The following SRPK2 variants were observed in gnomAD, a reference collection of about 807,000 sequenced individuals.
The protein encoded by SRPK2 is SRSF protein kinase 2.
Under a neutral mutation model 90.8 loss-of-function variants are expected in SRPK2, and 21 were observed. The observed-to-expected ratio is 0.23, with a 90% CI of 0.16 to 0.33. The LOEUF (loss-of-function observed/expected upper bound fraction) is 0.33, where lower values mean the gene tolerates loss of function less well. Ranked by LOEUF, SRPK2 falls within the 10% of genes least tolerant of loss-of-function variation. SRPK2 has a pLI of 1.00. For missense variants in SRPK2, 620 were observed against 869.0 expected, an observed-to-expected ratio of 0.71 and a Z score of 3.60; for synonymous variants, 288 against 311.1, an observed-to-expected ratio of 0.93 and a Z score of 0.78.
intron 10 of SRPK2, 66 bp downstream of exon 10, chr7:105,143,018 C>T: frequency 6.4e-7 from 1 of 1,554,330 alleles, no homozygotes; most frequent in Admixed American, 2.0e-5. Flanking sequence ...CCCATGTTGA[C>T]CTGGCAGAAC....
chr7:105,139,788 G>A (rs990469168), intron 11 of SRPK2, among the ~76,000 whole-genome samples: 1 of 152,076 alleles, frequency 6.6e-6, no homozygotes, highest in African/African-American at 2.4e-5. Context: ...CAACCTTAGA[G>A]GTAGCCATTT....
chr7:105,124,406 C>T (rs980037817), intron 15 of SRPK2, among the ~76,000 whole-genome samples: 9 of 152,020 alleles, frequency 5.9e-5, no homozygotes, highest in African/African-American at 1.7e-4. Flanking sequence ...ATTGGGAGGC[C>T]GAGGTGGGTG....
chr7:105,233,846 C>T (rs1019105386), intron 2 of SRPK2, among the ~76,000 whole-genome samples: 35 of 151,580 alleles, frequency 2.3e-4, no homozygotes, highest in Middle Eastern at 3.4e-3. Flanking sequence ...AGCAAGACTC[C>T]GTCTCAAAAA....
At chr7:105,154,812 C>A (rs1383028051) in intron 7 of SRPK2, among the ~76,000 whole-genome samples, 3 of 151,826 alleles carry the variant, frequency 2.0e-5, no homozygotes, top group African/African-American at 7.2e-5. Context: ...GTAGCTGGGA[C>A]TACAAGCACG....
At chr7:105,306,758 A>T (rs1340854980) in intron 2 of SRPK2, 6 of 195,310 alleles carry the variant, frequency 3.1e-5, no homozygotes, top group Non-Finnish European at 1.1e-5. Context: ...TTTTAAAAAG[A>T]AAATGTCATA....
At chr7:105,287,416 T>C (rs1808309551) in intron 2 of SRPK2, among the ~76,000 whole-genome samples, 1 of 151,908 alleles carries the variant, frequency 6.6e-6, no homozygotes, top group Non-Finnish European at 1.5e-5. Flanking sequence ...TATACATGTG[T>C]ATATACATGT....
At chr7:105,344,883 T>A (rs905904426) in intron 2 of SRPK2, among the ~76,000 whole-genome samples, 2 of 148,514 alleles carry the variant, frequency 1.3e-5, no homozygotes, top group African/African-American at 4.9e-5. Context: ...ACACCTGTAA[T>A]CCCAACACTT....
chr7:105,186,841 C>G (rs555597643), intron 3 of SRPK2, among the ~76,000 whole-genome samples: 3 of 152,308 alleles, frequency 2.0e-5, no homozygotes, highest in Non-Finnish European at 2.9e-5. Flanking sequence ...TATGACTGCT[C>G]TGAGGCCACC....
At chr7:105,294,001 G>A (rs1809440896) in intron 2 of SRPK2, among the ~76,000 whole-genome samples, 1 of 152,128 alleles carries the variant, frequency 6.6e-6, no homozygotes. Context: ...CTGCACCGGG[G>A]TCAGGGGGCA....
chr7:105,174,207 C>T (rs1791537986), intron 3 of SRPK2, among the ~76,000 whole-genome samples: 1 of 152,056 alleles, frequency 6.6e-6, no homozygotes, highest in South Asian at 2.1e-4. Context: ...GCCAAGATTT[C>T]TGTAACTAAA....
intron 2 of SRPK2, among the ~76,000 whole-genome samples, chr7:105,321,873 C>G (rs1812979098): frequency 6.6e-6 from 1 of 152,160 alleles, no homozygotes; most frequent in Non-Finnish European, 1.5e-5. Flanking sequence ...GGTATCTTTT[C>G]TATGAAAACT....
chr7:105,134,478 T>C (rs1341969600), intron 11 of SRPK2, among the ~76,000 whole-genome samples: 7 of 152,372 alleles, frequency 4.6e-5, no homozygotes, highest in African/African-American at 1.7e-4. Context: ...CTGTTTTCTT[T>C]ATAAACTACC....
At chr7:105,138,537 G>A (rs927146195) in intron 11 of SRPK2, among the ~76,000 whole-genome samples, 27 of 152,206 alleles carry the variant, frequency 1.8e-4, no homozygotes, top group Middle Eastern at 3.2e-3. Context: ...GATGGCTCAC[G>A]CCTTTAATCC....
At chr7:105,132,295 G>A (rs981607625) in intron 13 of SRPK2, among the ~76,000 whole-genome samples, 2 of 152,180 alleles carry the variant, frequency 1.3e-5, no homozygotes, top group African/African-American at 4.8e-5. Context: ...ATTGGCATCT[G>A]GGGAAATCCC....
intron 7 of SRPK2, among the ~76,000 whole-genome samples, chr7:105,153,531 T>C (rs1410592823): frequency 2.0e-5 from 3 of 152,166 alleles, no homozygotes; most frequent in Non-Finnish European, 4.4e-5. Flanking sequence ...TCAAGCATAA[T>C]GTGGAGACTC....
chr7:105,310,210 C>T (rs934936577), intron 2 of SRPK2, among the ~76,000 whole-genome samples: 1 of 152,158 alleles, frequency 6.6e-6, no homozygotes, highest in African/African-American at 2.4e-5. Flanking sequence ...GAAAGGGGAA[C>T]AGCTGAACCA....
intron 13 of SRPK2, 122 bp downstream of exon 13, chr7:105,132,669 C>T (rs761950088): frequency 2.4e-5 from 18 of 738,334 alleles, no homozygotes; most frequent in Admixed American, 1.1e-4. Context: ...ACCCAGCCCA[C>T]GGTGGATGAC....
Position 105,148,289 on chromosome 7 carries a change from G to A in SRPK2, c.622-1631C>T, listed in dbSNP as rs72603538. On this transcript the variant is annotated intron_variant, in intron 7 of 15. Transcript: ENST00000393651. ...TAACACTGCAAGAGAAGGGGGGCTT[G>A]ATTTAAATAGAAAATAGCCTTGGTA... Among the ~76,000 whole-genome samples, 2,155 of 152,238 alleles carry A rather than the reference G, an allele frequency of 0.014. 140 individuals carry two copies. The East Asian group carries it at 0.18, about 13-fold the overall frequency.
chr7:105,298,806 G>A (rs1810177129), intron 2 of SRPK2: 1 of 985,570 alleles, frequency 1.0e-6, no homozygotes, highest in Non-Finnish European at 1.2e-6. Context: ...TGTAAGGAGG[G>A]CTTCACGCAG....
Sources: allele counts gnomAD v4.1 joint callset (sites outside exome capture counted in the v4.1 genomes callset), GRCh38; gene constraint gnomAD v4.1.1; transcripts MANE v1.5; gene names NCBI Gene and HGNC (gene_info 2026-07-23, HGNC 2026-07-21).